Variants in SAMD3 observed in about 807,000 individuals in gnomAD.
SAMD3 encodes sterile alpha motif domain containing 3.
A neutral mutation model predicts 58.5 loss-of-function variants in SAMD3; 63 were observed. The observed-to-expected ratio is 1.08, with a 90% CI of 0.88 to 1.33. SAMD3 has a LOEUF of 1.33. SAMD3 is among the 40% of genes most tolerant of loss of function. SAMD3 has a pLI of 0.00. For synonymous variants in SAMD3, 220 were observed against 210.3 expected (o/e 1.05, Z -0.40); for missense variants, 604 against 608.4 (o/e 0.99, Z 0.08).
chr6:130,326,718 G>A (rs7745456), intron 1 of SAMD3, among the ~76,000 whole-genome samples: 2,920 of 152,268 alleles, frequency 0.019, 89 homozygotes, highest in African/African-American at 0.066. Context: ...AATTACGAGT[G>A]TGTCTGCCAT....
chr6:130,221,134 A>G (rs55646369), intron 1 of SAMD3, among the ~76,000 whole-genome samples: 4,904 of 152,142 alleles, frequency 0.032, 131 homozygotes, highest in African/African-American at 0.054. Flanking sequence ...GATTACAGGC[A>G]TGAGCCACCA....
chr6:130,279,763 G>GCC (rs1270566666), intron 2 of SAMD3, among the ~76,000 whole-genome samples: 1 of 152,144 alleles, frequency 6.6e-6, no homozygotes, highest in Non-Finnish European at 1.5e-5. Flanking sequence ...GGGATTACAG[G>GCC]TGTGAGCCAC....
chr6:130,279,902 A>G (rs1474036906), intron 2 of SAMD3, among the ~76,000 whole-genome samples: 1 of 151,972 alleles, frequency 6.6e-6, no homozygotes, highest in East Asian at 1.9e-4. Context: ...AGTCTTTATT[A>G]TTACCTAGTC....
intron 5 of SAMD3, among the ~76,000 whole-genome samples, chr6:130,201,366 A>G (rs769399871): frequency 6.6e-6 from 1 of 152,196 alleles, no homozygotes; most frequent in African/African-American, 2.4e-5. Flanking sequence ...CATCCCCAGA[A>G]GTTCTTATTC....
chr6:130,226,413 A>C (rs991771993), upstream of SAMD3, among the ~76,000 whole-genome samples: 6 of 152,240 alleles, frequency 3.9e-5, no homozygotes, highest in African/African-American at 1.4e-4. Context: ...AGCAATTGAA[A>C]GATTTATTAT....
intron 7 of SAMD3, among the ~76,000 whole-genome samples, chr6:130,177,981 CT>C (rs112360389): frequency 4.8e-4 from 70 of 146,246 alleles, no homozygotes; most frequent in Admixed American, 6.2e-4. Context: ...CTCAACCCTT[CT>C]TTTTTTTTTT....
intron 2 of SAMD3, among the ~76,000 whole-genome samples, chr6:130,250,039 G>T (rs1773687813): frequency 6.6e-6 from 1 of 152,094 alleles, no homozygotes; most frequent in African/African-American, 2.4e-5. Context: ...CAGGGATGAA[G>T]TAATAGGAAA....
intron 2 of SAMD3, among the ~76,000 whole-genome samples, chr6:130,294,248 CTTA>C (rs1393223370): frequency 5.3e-5 from 8 of 152,282 alleles, no homozygotes; most frequent in South Asian, 2.1e-4. Context: ...CTATGCCATA[CTTA>C]TTATACTAGA....
At chr6:130,339,873 A>G (rs1238845940) in intron 1 of SAMD3, among the ~76,000 whole-genome samples, 4 of 137,442 alleles carry the variant, frequency 2.9e-5, no homozygotes, top group African/African-American at 1.2e-4. Context: ...ATGAAAGATG[A>G]TAGCCTTTCC....
At chr6:130,340,385 A>C (rs1010613627) in intron 1 of SAMD3, among the ~76,000 whole-genome samples, 7 of 151,830 alleles carry the variant, frequency 4.6e-5, no homozygotes, top group Non-Finnish European at 1.0e-4. Context: ...TCTGATTTTG[A>C]CTCTCTTGCC....
chr6:130,301,251 G>T (rs1338672534), intron 2 of SAMD3, among the ~76,000 whole-genome samples: 1 of 151,980 alleles, frequency 6.6e-6, no homozygotes, highest in African/African-American at 2.4e-5. Flanking sequence ...CTAAGTCTTT[G>T]CTATTAAATA....
chr6:130,300,366 A>G (rs1194714767), intron 2 of SAMD3, among the ~76,000 whole-genome samples: 3 of 151,854 alleles, frequency 2.0e-5, no homozygotes, highest in Non-Finnish European at 2.9e-5. Context: ...TTATATGATC[A>G]TCTCAATAGA....
chr6:130,238,281 T>C (rs1773233774), intron 2 of SAMD3, among the ~76,000 whole-genome samples: 1 of 152,170 alleles, frequency 6.6e-6, no homozygotes, highest in South Asian at 2.1e-4. Context: ...AAGTCAATAA[T>C]TGATAGTTAT....
chr6:130,238,810 G>C (rs1773254336), intron 2 of SAMD3, among the ~76,000 whole-genome samples: 1 of 152,190 alleles, frequency 6.6e-6, no homozygotes, highest in African/African-American at 2.4e-5. Context: ...CCAGGCTGGA[G>C]TGTAGTGGTG....
intron 2 of SAMD3, among the ~76,000 whole-genome samples, chr6:130,260,656 G>A (rs903378371): frequency 6.6e-6 from 1 of 152,186 alleles, no homozygotes; most frequent in Non-Finnish European, 1.5e-5. Flanking sequence ...GCGAATGGTC[G>A]AGGCAGCTCC....
intron 5 of SAMD3, among the ~76,000 whole-genome samples, chr6:130,197,375 T>C (rs1431133460): frequency 3.3e-5 from 5 of 152,272 alleles, no homozygotes; most frequent in Non-Finnish European, 2.9e-5. Flanking sequence ...TCACAGCTGA[T>C]ATTTCCTGGT....
chr6:130,173,289 G>A (rs968154587), intron 8 of SAMD3, among the ~76,000 whole-genome samples: 15 of 152,124 alleles, frequency 9.9e-5, no homozygotes, highest in Non-Finnish European at 1.6e-4. Context: ...AATTTTCAGC[G>A]TTTTTGCACT....
At chr6:130,250,914 T>C (rs1049513446) in intron 2 of SAMD3, among the ~76,000 whole-genome samples, 2 of 152,346 alleles carry the variant, frequency 1.3e-5, no homozygotes, top group Admixed American at 6.5e-5. Flanking sequence ...ATGTACAAAT[T>C]TTTATGTAGA....
At chr6:130,194,843 C>T (rs545239318) in intron 5 of SAMD3, among the ~76,000 whole-genome samples, 68 of 152,302 alleles carry the variant, frequency 4.5e-4, no homozygotes, top group African/African-American at 1.6e-3. Context: ...CCTTGGAAGC[C>T]TACAGGACCA....
Sources: gnomAD v4.1 joint callset for allele counts (sites outside exome capture counted in the v4.1 genomes callset) on GRCh38, gnomAD v4.1.1 for gene constraint, MANE v1.5 for transcripts, NCBI Gene and HGNC (gene_info 2026-07-23, HGNC 2026-07-21) for gene names.